The following GNPNAT1 variants were observed in gnomAD, a reference collection of about 807,000 sequenced individuals.
GNPNAT1 encodes glucosamine-phosphate N-acetyltransferase 1.
GNPNAT1 carries 11 observed loss-of-function variants against 19.8 expected under a neutral mutation model. The ratio of observed to expected loss-of-function variants is 0.56; its 90% CI spans 0.35 to 0.92. GNPNAT1 has a LOEUF of 0.92. GNPNAT1 is among the 40% of genes least tolerant of loss of function. GNPNAT1 has a pLI of 0.01. For missense variants in GNPNAT1, 157 were observed against 211.0 expected, an observed-to-expected ratio of 0.74 and a Z score of 1.59; for synonymous variants, 71 against 72.3, an observed-to-expected ratio of 0.98 and a Z score of 0.09.
chr14:52,778,159 ATCT>A lies in GNPNAT1; in HGVS notation c.*149_*151del. 1 of 465,346 alleles carries A rather than the reference ATCT, an allele frequency of 2.1e-6. No homozygotes were observed. The highest frequency in any genetic ancestry group is 3.7e-6 in the Non-Finnish European group (1 of 267,362). 28.8% of individuals were successfully genotyped at this position (465,346 alleles called of 1,614,324 possible). ...CAGCATGTCCCACCAGCCCAAAGTA[ATCT>A]TCTAAATGTCATTATACTTGTAGTA... On this transcript the variant is annotated 3_prime_UTR_variant, in exon 6 of 6. Coordinates refer to ENST00000216410, the MANE Select transcript of GNPNAT1 (RefSeq NM_198066.4).
Position 52,791,415 on chromosome 14 carries a change from G to C in GNPNAT1, c.-15+13C>G, listed in dbSNP as rs541500899. On this transcript the variant is annotated intron_variant, in intron 1 of 5. Coordinates refer to ENST00000216410, the MANE Select transcript of GNPNAT1 (RefSeq NM_198066.4). The surrounding 1 kb of genome is among the most constrained non-coding windows in gnomAD (Gnocchi z 4.1). ...GGTCCTGCTCTCGCGCCCCGGCCCC[G>C]GTCCCTCCTCACCCGTAGAGGCCCT... The C allele has an allele frequency of 6.2e-4, 95 of 152,658 alleles. No individual in the cohort carries two copies. The highest frequency in any genetic ancestry group is 2.2e-3 in the African/African-American group (93 of 41,526). The allele number at this position is 152,658 out of a possible 1,614,324, so 9.5% of individuals were successfully genotyped here.
chr14:52,784,088 T>G (rs543012868), intron 2 of GNPNAT1, among the ~76,000 whole-genome samples: 9 of 152,340 alleles, frequency 5.9e-5, no homozygotes, highest in African/African-American at 2.2e-4. Flanking sequence ...TACCAAAGTT[T>G]AAGGAAGTTA....
Position 52,784,655 on chromosome 14 carries a change from C to A in GNPNAT1, c.-5G>T. On this transcript the variant is annotated 5_prime_UTR_variant, in exon 2 of 6. Coordinates refer to ENST00000216410, the MANE Select transcript of GNPNAT1 (RefSeq NM_198066.4). The stretch of plus-strand genomic sequence containing the variant: ...AGGAGTTTCATCAGGTTTCATTTTT[C>A]TAGTAAGGTCTAAAATAAAAATTTG... 2 of 1,467,406 alleles carry A rather than the reference C, an allele frequency of 1.4e-6. No homozygotes were observed. The highest frequency in any genetic ancestry group is 1.8e-6 in the Non-Finnish European group (2 of 1,081,900). The allele number at this position is 1,467,406 out of a possible 1,614,324, so 90.9% of individuals were successfully genotyped here. A position where few individuals can be genotyped will look rare whatever the true frequency, so the allele number is the denominator to read the frequency against.
Position 52,776,556 on chromosome 14 carries a change from A to G in GNPNAT1, c.*1755T>C, listed in dbSNP as rs1053878886. 4.6e-5 allele frequency: 7 copies of G among 151,820 alleles called. No homozygotes were observed. The highest frequency in any genetic ancestry group is 1.5e-4 in the African/African-American group (6 of 41,334). 9.4% of individuals were successfully genotyped at this position (151,820 alleles called of 1,614,324 possible). On this transcript the variant is annotated 3_prime_UTR_variant, in exon 6 of 6. Transcript: ENST00000216410. ...TTTAGTTGTGCCTTTAAGTAGGCTA[A>G]TTTTTTTTGTTTTGTTTTGAGATGG...
intron 5 of GNPNAT1, among the ~76,000 whole-genome samples, chr14:52,779,822 T>C (rs1882846181): frequency 6.8e-6 from 1 of 146,526 alleles, no homozygotes; most frequent in Non-Finnish European, 1.5e-5. Context: ...ATACCTAGAA[T>C]AGCATCTGGT....
At chr14:52,781,700 T>A (rs1882897789) in intron 4 of GNPNAT1, 84 bp downstream of exon 4, 1 of 1,304,164 alleles carries the variant, frequency 7.7e-7, no homozygotes, top group African/African-American at 1.5e-5. Flanking sequence ...TGAAAATCAA[T>A]GAGAAAACAG....
In GNPNAT1 at chr14:52,780,625, GA is replaced by G. The variant is rs1327664006; in HGVS notation, c.407+53del. On this transcript the variant is annotated intron_variant, in intron 5 of 5. Coordinates refer to ENST00000216410, the MANE Select transcript of GNPNAT1 (RefSeq NM_198066.4). Reference sequence around the variant, plus strand: ...GAACTTCAAACAAGTATCTTGTTAAGAAACTAAATTGGAACAAAATTTATCC... The same window carrying G: ...GAACTTCAAACAAGTATCTTGTTAAGAACTAAATTGGAACAAAATTTATCC... 8.1e-6 allele frequency: 9 copies of G among 1,111,698 alleles called. No homozygotes were observed. In the African/African-American group the frequency reaches 1.2e-4, roughly 15 times the overall value. The allele number at this position is 1,111,698 out of a possible 1,614,324, so 68.9% of individuals were successfully genotyped here.
At chr14:52,781,760 AT>A in intron 4 of GNPNAT1, 23 bp downstream of exon 4, 2 of 1,567,006 alleles carry the variant, frequency 1.3e-6, no homozygotes, top group Non-Finnish European at 8.6e-7. Context: ...ACAGCTGTCC[AT>A]TTTATTTATA....
chr14:52,790,100 A>G (rs1275311751), intron 1 of GNPNAT1, among the ~76,000 whole-genome samples: 1 of 152,138 alleles, frequency 6.6e-6, no homozygotes, highest in African/African-American at 2.4e-5. Context: ...ACTCAATTGA[A>G]TATTTTTTAA....
At chr14:52,781,731 AAGTC>A in intron 4 of GNPNAT1, 49 bp downstream of exon 4, 2 of 1,527,462 alleles carry the variant, frequency 1.3e-6, no homozygotes, top group Non-Finnish European at 1.8e-6. Flanking sequence ...TGGAAACTCA[AAGTC>A]AGTTGTGCTA....
chr14:52,779,573 A>G (rs961049808), intron 5 of GNPNAT1, among the ~76,000 whole-genome samples: 1 of 151,844 alleles, frequency 6.6e-6, no homozygotes, highest in African/African-American at 2.4e-5. Context: ...ATAAAAAATT[A>G]GCTGGGTGCA....
At chr14:52,785,289 C>A (rs963659227) in intron 1 of GNPNAT1, among the ~76,000 whole-genome samples, 1 of 152,054 alleles carries the variant, frequency 6.6e-6, no homozygotes, top group East Asian at 1.9e-4. Context: ...GAATAGCTGA[C>A]TTTTCATGGG....
In GNPNAT1 at chr14:52,778,354, G is replaced by A; in HGVS notation, c.512C>T (p.Thr171Ile). 1 of 1,603,772 alleles carries A rather than the reference G, an allele frequency of 6.2e-7. No individual in the cohort carries two copies. Among genetic ancestry groups the A allele is most frequent in the Non-Finnish European group, 8.5e-7 (1 of 1,177,168 alleles). The stretch of plus-strand genomic sequence containing the variant: ...ACACATGTAGTTTTCTTCAGATACA[G>A]TATATCCAAACTTTTTATAGAAACC... The part of the protein sequence containing the change: ...NVGFYKKFGY[T>I]VSEENYMCRR... Residue 171 changes from threonine (T) to isoleucine (I), a missense_variant, in exon 6 of 6, where the codon ACT becomes ATT. Coordinates refer to ENST00000216410, the MANE Select transcript of GNPNAT1 (RefSeq NM_198066.4).
At position 52,778,306 on chromosome 14, in the gene GNPNAT1, G is replaced by A; in HGVS notation, c.*5C>T. 6.3e-7 allele frequency: 1 copy of A among 1,577,484 alleles called. No homozygotes were observed. The highest frequency in any genetic ancestry group is 8.6e-7 in the Non-Finnish European group (1 of 1,168,006). On this transcript the variant is annotated 3_prime_UTR_variant, in exon 6 of 6. Coordinates refer to ENST00000216410, the MANE Select transcript of GNPNAT1 (RefSeq NM_198066.4). ...AGCCCCTTTGACAATTTTCTTACAA[G>A]ATTTTTACTTTAGAAACCTCCGACA...
intron 1 of GNPNAT1, among the ~76,000 whole-genome samples, chr14:52,788,322 T>C (rs1883071567): frequency 6.6e-6 from 1 of 151,178 alleles, no homozygotes; most frequent in Admixed American, 6.6e-5. Context: ...TTAGTAGAGA[T>C]GGGGCTTTGC....
chr14:52,788,430 A>G (rs1455496483), intron 1 of GNPNAT1, among the ~76,000 whole-genome samples: 2 of 152,206 alleles, frequency 1.3e-5, no homozygotes, highest in African/African-American at 2.4e-5. Context: ...CAGCATGCTC[A>G]GCCAAAACAA....
At chr14:52,785,407 C>T (rs1882991237) in intron 1 of GNPNAT1, among the ~76,000 whole-genome samples, 2 of 151,814 alleles carry the variant, frequency 1.3e-5, no homozygotes, top group South Asian at 4.2e-4. Flanking sequence ...AAAAAGTAAT[C>T]TCTTAGTCTT....
intron 4 of GNPNAT1, 85 bp downstream of exon 4, chr14:52,781,699 A>G (rs1047457784): frequency 1.1e-5 from 14 of 1,291,444 alleles, no homozygotes; most frequent in African/African-American, 1.5e-5. Flanking sequence ...CTGAAAATCA[A>G]TGAGAAAACA....
rs1481284780 is a variant in GNPNAT1, at chr14:52,776,285, T to A, written c.*2026A>T. On this transcript the variant is annotated 3_prime_UTR_variant, in exon 6 of 6. Transcript: ENST00000216410. ...GTTTAAGAAGTGTTTTATGTAGCAC[T>A]TTTTTCATATTTACATTTACTCACC... is the stretch of plus-strand genomic sequence containing the variant. 6.6e-6 allele frequency: 1 copy of A among 152,198 alleles called. No homozygotes were observed. Among genetic ancestry groups the A allele is most frequent in the African/African-American group, 2.4e-5 (1 of 41,434 alleles). 9.4% of individuals were successfully genotyped at this position (152,198 alleles called of 1,614,324 possible).
Sources: allele counts gnomAD v4.1 joint callset (sites outside exome capture counted in the v4.1 genomes callset), GRCh38; gene constraint gnomAD v4.1.1; non-coding constraint Gnocchi (gnomAD v3.1); transcripts MANE v1.5; gene names NCBI Gene and HGNC (gene_info 2026-07-23, HGNC 2026-07-21).